IQGAP1: variants seen among roughly 807,000 people sequenced by gnomAD.
IQGAP1 encodes the protein IQ motif containing GTPase activating protein 1, also known as ras GTPase-activating-like protein IQGAP1.
In IQGAP1, 66 loss-of-function variants were observed where a neutral mutation model predicts 215.6. That is an observed-to-expected ratio of 0.31 (90% CI 0.25 to 0.38). The LOEUF (loss-of-function observed/expected upper bound fraction) is 0.38, where lower values mean the gene tolerates loss of function less well. Among genes scored for constraint, IQGAP1 ranks in the 10% least tolerant of loss-of-function variants. The pLI is 1.00. For missense variants in IQGAP1, 1,712 were observed against 1,997.1 expected (o/e 0.86, Z 2.72); for synonymous variants, 772 against 728.7 (o/e 1.06, Z -0.96).
At chr15:90,445,186 G>T (rs1291929203) in intron 9 of IQGAP1, among the ~76,000 whole-genome samples, 1 of 151,544 alleles carries the variant, frequency 6.6e-6, no homozygotes, top group Non-Finnish European at 1.5e-5. Flanking sequence ...GTACTGACCT[G>T]GTATTTGATC....
At chr15:90,416,053 G>A (rs1191566042) in intron 2 of IQGAP1, among the ~76,000 whole-genome samples, 1 of 151,738 alleles carries the variant, frequency 6.6e-6, no homozygotes, top group Non-Finnish European at 1.5e-5. Flanking sequence ...AAGTTCCAGG[G>A]TACATGTGCA....
chr15:90,392,342 A>G (rs923842614), intron 2 of IQGAP1, among the ~76,000 whole-genome samples: 1 of 152,216 alleles, frequency 6.6e-6, no homozygotes, highest in Non-Finnish European at 1.5e-5. Context: ...ATTTTCTCAT[A>G]TGAAGTTTAT....
intron 2 of IQGAP1, among the ~76,000 whole-genome samples, chr15:90,396,656 G>A (rs1045022956): frequency 6.6e-5 from 10 of 151,778 alleles, no homozygotes; most frequent in South Asian, 6.2e-4. Context: ...TTCTTTTTTC[G>A]GATATTAATT....
chr15:90,392,748 C>CTTTTTTTTTTTTTTTTT (rs10701656), intron 2 of IQGAP1, among the ~76,000 whole-genome samples: 19 of 117,824 alleles, frequency 1.6e-4, no homozygotes, highest in East Asian at 2.6e-4. Flanking sequence ...ATGTTTCTAT[C>CTTTTTTTTTTTTTTTTT]TTTTTTTTTT....
intron 1 of IQGAP1, 90 bp from the exon 2 acceptor site, chr15:90,390,684 T>G: frequency 1.2e-6 from 1 of 836,780 alleles, no homozygotes; most frequent in South Asian, 1.5e-5. Context: ...ACTTTCTAGG[T>G]GAGTGGCAGG....
chr15:90,443,325 A>G lies in IQGAP1; in HGVS notation c.829-69A>G, dbSNP rs902697759. The G allele has an allele frequency of 1.1e-4, 96 of 876,010 alleles. 1 individual carries two copies. The highest frequency in any genetic ancestry group is 2.2e-4 in the South Asian group (16 of 72,018). 54.3% of individuals were successfully genotyped at this position (876,010 alleles called of 1,614,324 possible). On this transcript the variant is annotated intron_variant, in intron 8 of 37. Coordinates refer to ENST00000268182, the MANE Select transcript of IQGAP1 (RefSeq NM_003870.4). ...GGTAGTGTTATGGTGCAGGAGGAGC[A>G]CACGTGTATTTATGTGGTCTTCTTA...
intron 2 of IQGAP1, among the ~76,000 whole-genome samples, chr15:90,417,861 C>A (rs1015361163): frequency 1.3e-5 from 2 of 152,168 alleles, no homozygotes; most frequent in East Asian, 3.8e-4. Context: ...AATGTTCTTC[C>A]ATTTGTTTGT....
At chr15:90,481,366 G>T (rs1025278000) in intron 26 of IQGAP1, among the ~76,000 whole-genome samples, 1 of 147,626 alleles carries the variant, frequency 6.8e-6, no homozygotes, top group East Asian at 2.0e-4. Flanking sequence ...AGCATGTGCT[G>T]CTGTGCCTGG....
At position 90,456,287 on chromosome 15, in the gene IQGAP1, T is replaced by TGA. The variant is rs763195374; in HGVS notation, c.1749_1750dup (p.Ile584ArgfsTer43). 2.5e-6 allele frequency: 4 copies of TGA among 1,614,034 alleles called. No homozygotes were observed. Among genetic ancestry groups the TGA allele is most frequent in the Non-Finnish European group, 3.4e-6 (4 of 1,179,942 alleles). On this transcript the variant is annotated frameshift_variant, in exon 15 of 38. Transcript: ENST00000268182. LOFTEE classifies it high-confidence loss of function. Reference sequence around the variant, plus strand: ...GTGGCCCAGCATTACCAAGACACGCTGATTAGAGCGAAGAGAGAGAAAGCC... The same window carrying TGA: ...GTGGCCCAGCATTACCAAGACACGCTGAGATTAGAGCGAAGAGAGAGAAAGCC...
intron 30 of IQGAP1, among the ~76,000 whole-genome samples, chr15:90,485,547 C>G (rs1351435635): frequency 6.6e-6 from 1 of 152,168 alleles, no homozygotes; most frequent in Non-Finnish European, 1.5e-5. Context: ...TCAAGCAATT[C>G]TTCTGCATCA....
At chr15:90,440,291 T>G (rs543468485) in intron 6 of IQGAP1, among the ~76,000 whole-genome samples, 153 of 152,378 alleles carry the variant, frequency 1.0e-3, no homozygotes, top group African/African-American at 3.6e-3. Context: ...ATAGTTATTT[T>G]TGATGCCCTT....
At chr15:90,453,348 T>C in intron 13 of IQGAP1, 56 bp downstream of exon 13, 2 of 1,366,108 alleles carry the variant, frequency 1.5e-6, no homozygotes, top group Non-Finnish European at 2.0e-6. Flanking sequence ...ACCCTGTCTT[T>C]TGTATGTCAG....
intron 2 of IQGAP1, among the ~76,000 whole-genome samples, chr15:90,402,692 C>T (rs1031366063): frequency 6.6e-6 from 1 of 151,772 alleles, no homozygotes; most frequent in Middle Eastern, 3.2e-3. Context: ...AATATTTTCT[C>T]AAATAGAATT....
intron 7 of IQGAP1, 151 bp from the exon 8 acceptor site, chr15:90,441,355 C>T (rs1170904286): frequency 1.1e-5 from 7 of 646,450 alleles, no homozygotes; most frequent in Non-Finnish European, 1.8e-5. Flanking sequence ...GCCCAGGGAG[C>T]CAGTCTTCGA....
chr15:90,456,978 C>T (rs1290637765), intron 15 of IQGAP1, among the ~76,000 whole-genome samples: 2 of 88,848 alleles, frequency 2.3e-5, no homozygotes, highest in African/African-American at 7.0e-5. Context: ...TATATACGAT[C>T]CAGAAAAAAA....
At chr15:90,411,256 G>A (rs541687982) in intron 2 of IQGAP1, among the ~76,000 whole-genome samples, 362 of 151,868 alleles carry the variant, frequency 2.4e-3, no homozygotes, top group Non-Finnish European at 3.9e-3. Flanking sequence ...CAAGTACTAC[G>A]TTCTTTCTTT....
In IQGAP1 at chr15:90,452,913, C is replaced by T. The variant is rs1243615636; in HGVS notation, c.1301C>T (p.Ala434Val). The change falls in exon 12 of 38, where the codon GCT becomes GTT. Residue 434 changes from alanine to valine, a missense_variant. This residue lies in a region of IQGAP1 where 1,021 missense variants were observed against 1,074.2 expected (regional missense o/e 0.95). Transcript: ENST00000268182. ...GCCGATCTCTATCAGAAGGAGCTGG[C>T]TACCCTGCAGCGACAAAGTCCTGAA... ...FAADLYQKEL[A>V]TLQRQSPEHN... is the part of the protein sequence containing the mutation. 3.7e-6 allele frequency: 6 copies of T among 1,614,016 alleles called. No homozygotes were observed. The highest frequency in any genetic ancestry group is 5.1e-6 in the Non-Finnish European group (6 of 1,180,006).
chr15:90,394,164 G>A (rs1196942152), intron 2 of IQGAP1, among the ~76,000 whole-genome samples: 1 of 143,556 alleles, frequency 7.0e-6, no homozygotes, highest in African/African-American at 2.6e-5. Flanking sequence ...AAAAGGCAGT[G>A]GAGACATTTG....
chr15:90,478,230 A>G (rs1438378808), intron 26 of IQGAP1, among the ~76,000 whole-genome samples: 4 of 152,156 alleles, frequency 2.6e-5, no homozygotes, highest in Non-Finnish European at 4.4e-5. Flanking sequence ...ACCTCAGGCA[A>G]TCCATCTGCC....
Sources: allele counts gnomAD v4.1 joint callset (sites outside exome capture counted in the v4.1 genomes callset), GRCh38; gene constraint gnomAD v4.1.1; regional missense constraint gnomAD v4.1.1; transcripts MANE v1.5; gene names NCBI Gene and HGNC (gene_info 2026-07-23, HGNC 2026-07-21).